Variants in CHM observed in about 807,000 individuals in gnomAD.
CHM encodes rab proteins geranylgeranyltransferase component A 1.
CHM carries 10 observed loss-of-function variants against 49.0 expected under a neutral mutation model. The observed-to-expected ratio is 0.20, with a 90% CI of 0.13 to 0.35. The LOEUF is 0.35. CHM is among the 10% of genes least tolerant of loss of function. The pLI, the probability that CHM is intolerant of heterozygous loss-of-function variation, is 1.00. For missense variants in CHM, 455 were observed against 478.4 expected, an observed-to-expected ratio of 0.95 and a Z score of 0.46; for synonymous variants, 184 against 167.5, an observed-to-expected ratio of 1.10 and a Z score of -0.76.
At chrX:85,949,684 C>T (rs1024726250) in intron 8 of CHM, among the ~76,000 whole-genome samples, 1 of 109,971 alleles carries the variant, frequency 9.1e-6, no homozygotes, top group African/African-American at 3.3e-5. Flanking sequence ...ATACACAGAT[C>T]CATCATATTC....
At chrX:86,008,256 G>A (rs1339744622) in intron 2 of CHM, among the ~76,000 whole-genome samples, 1 of 111,155 alleles carries the variant, frequency 9.0e-6, no homozygotes, top group Admixed American at 9.5e-5. Context: ...GGGGCCTGTC[G>A]GCAGGTGGGG....
intron 1 of CHM, among the ~76,000 whole-genome samples, chrX:86,027,771 A>AT (rs1253115908): frequency 8.3e-4 from 88 of 106,195 alleles, no homozygotes; most frequent in Admixed American, 2.8e-3. Flanking sequence ...TGTGGAAGAC[A>AT]TTTTTTTTTT....
chrX:85,900,784 G>T, intron 10 of CHM, 75 bp from the exon 11 acceptor site: 1 of 738,400 alleles, frequency 1.4e-6, no homozygotes, highest in Non-Finnish European at 2.1e-6. Flanking sequence ...ATAACCACCA[G>T]AAGGCACGTT....
chrX:85,911,145 A>ATATATATATGTGTG (rs1926923380), intron 9 of CHM, 116 bp downstream of exon 9: 1 of 16,263 alleles, frequency 6.1e-5, no homozygotes, highest in Non-Finnish European at 1.9e-4. Flanking sequence ...ATATATATAT[A>ATATATATATGTGTG]TATATATATA....
In CHM at chrX:85,863,791, T is replaced by C. The variant is rs891147209; in HGVS notation, c.*839A>G. 3.6e-5 allele frequency: 4 copies of C among 112,094 alleles called. No individual in the cohort carries two copies. The highest frequency in any genetic ancestry group is 1.3e-4 in the African/African-American group (4 of 30,827). The allele number at this position is 112,094 out of a possible 1,213,427, so 9.2% of individuals were successfully genotyped here. A position where few individuals can be genotyped will look rare whatever the true frequency, so the allele number is the denominator to read the frequency against. Reference sequence around the variant, plus strand: ...TCTCATATAGTAGGCATAGTAATACTATTTCCACTTTATATATGGAGAAAC... The same window carrying C: ...TCTCATATAGTAGGCATAGTAATACCATTTCCACTTTATATATGGAGAAAC... On this transcript the variant is annotated 3_prime_UTR_variant, in exon 15 of 15. Coordinates refer to ENST00000357749, the MANE Select transcript of CHM (RefSeq NM_000390.4).
intron 4 of CHM, among the ~76,000 whole-genome samples, chrX:85,968,174 T>C (rs1265632783): frequency 2.7e-5 from 3 of 112,280 alleles, no homozygotes; most frequent in Non-Finnish European, 3.8e-5. Flanking sequence ...TGGCTATTCA[T>C]AAGAATTACA....
chrX:86,004,435 G>A (rs1171413591), intron 2 of CHM, among the ~76,000 whole-genome samples: 1 of 111,763 alleles, frequency 8.9e-6, no homozygotes, highest in Non-Finnish European at 1.9e-5. Context: ...ATGTAAATGG[G>A]CTAAATGCCC....
rs9887243 is a variant in CHM, at chrX:85,997,677, C to T, written c.117-15868G>A. On this transcript the variant is annotated intron_variant, in intron 2 of 14. Transcript: ENST00000357749. ...TAAAAGTGAAGAAGCTGGCTGGGGG[C>T]GGTGGCGGTGGCTCACACCTGTAAT... 2.6e-3 allele frequency among the ~76,000 whole-genome samples: 287 copies of T among 111,305 alleles called. 1 individual carries two copies. Among genetic ancestry groups the T allele is most frequent in the African/African-American group, 7.9e-3 (242 of 30,626 alleles).
chrX:85,946,058 G>T (rs1929390904), intron 8 of CHM, among the ~76,000 whole-genome samples: 3 of 112,467 alleles, frequency 2.7e-5, no homozygotes, highest in African/African-American at 9.7e-5. Flanking sequence ...AAGCAGCAAA[G>T]CATTCCAGAT....
chrX:85,937,820 G>A (rs1410795134), intron 8 of CHM, among the ~76,000 whole-genome samples: 3 of 104,949 alleles, frequency 2.9e-5, no homozygotes, highest in Non-Finnish European at 5.8e-5. Context: ...CTGCAGCCTG[G>A]GAAACAGAGC....
chrX:86,029,284 A>G (rs1933954060), intron 1 of CHM, among the ~76,000 whole-genome samples: 2 of 112,293 alleles, frequency 1.8e-5, no homozygotes, highest in African/African-American at 6.5e-5. Flanking sequence ...ATTGAAATCA[A>G]AAGACCATCT....
At chrX:85,890,950 G>A (rs1925404104) in intron 12 of CHM, among the ~76,000 whole-genome samples, 1 of 111,587 alleles carries the variant, frequency 9.0e-6, no homozygotes, top group Non-Finnish European at 1.9e-5. Context: ...GGTCCAGGCT[G>A]AGGTGGTCTC....
Position 85,963,939 on chromosome X carries a change from T to C in CHM, c.428A>G (p.Asp143Gly), listed in dbSNP as rs1208126173. ...AADSAFLPTE[D>G]ESLSTMSCEM... ...ACAGCTCATAGTGCTTAATGACTCA[T>C]CCTCCGTAGGCAGGAAGGCAGAATC... Residue 143 changes from aspartate to glycine, a missense_variant, in exon 5 of 15, where the codon GAT becomes GGT. Coordinates refer to ENST00000357749, the MANE Select transcript of CHM (RefSeq NM_000390.4). The C allele has an allele frequency of 8.3e-7, 1 of 1,211,275 alleles. No homozygotes were observed. The highest frequency in any genetic ancestry group is 1.8e-5 in the South Asian group (1 of 56,914).
intron 2 of CHM, among the ~76,000 whole-genome samples, chrX:86,009,052 T>G (rs1196574123): frequency 8.9e-6 from 1 of 112,076 alleles, no homozygotes; most frequent in East Asian, 2.8e-4. Flanking sequence ...AAATGAACAG[T>G]AAGCTTTCTT....
intron 5 of CHM, among the ~76,000 whole-genome samples, chrX:85,960,927 T>C (rs1275239558): frequency 8.9e-6 from 1 of 111,847 alleles, no homozygotes; most frequent in Admixed American, 9.5e-5. Flanking sequence ...ACCTTCTCTA[T>C]TAGTCTGAGC....
At chrX:85,976,251 C>T (rs1302618240) in intron 4 of CHM, among the ~76,000 whole-genome samples, 1 of 111,623 alleles carries the variant, frequency 9.0e-6, no homozygotes, top group African/African-American at 3.3e-5. Context: ...TACCCATACA[C>T]TAAATGGCCC....
chrX:86,005,425 G>A (rs1173393769), intron 2 of CHM, among the ~76,000 whole-genome samples: 1 of 111,697 alleles, frequency 9.0e-6, no homozygotes, highest in East Asian at 2.8e-4. Context: ...GAGCAGAACT[G>A]AAAGAGACAG....
At chrX:85,919,799 T>C (rs1034855645) in intron 8 of CHM, among the ~76,000 whole-genome samples, 1 of 111,536 alleles carries the variant, frequency 9.0e-6, no homozygotes, top group Non-Finnish European at 1.9e-5. Flanking sequence ...TGCTTCTCAT[T>C]TGTTTTTCCC....
rs2148144253 is a variant in CHM at position 85,894,225 on chromosome X, C to T, written c.1473G>A (p.Glu491=). The T allele has an allele frequency of 8.3e-7, 1 of 1,210,319 alleles. No individual in the cohort carries two copies. Among genetic ancestry groups the T allele is most frequent in the Non-Finnish European group, 1.1e-6 (1 of 894,503 alleles). Reference sequence around the variant, plus strand: ...TGCATGTCATCGTTGAAGAACATAACTCAATGACCCGAACAGCAAAAGTTC... The same window carrying T: ...TGCATGTCATCGTTGAAGAACATAATTCAATGACCCGAACAGCAAAAGTTC... The part of the protein sequence containing the change: ...EPGTFAVRVI[E]LCSSTMTCMK... The change falls in exon 12 of 15, where the codon GAG becomes GAA. Residue 491 remains glutamate, a synonymous_variant. Transcript: ENST00000357749.
Sources: allele counts gnomAD v4.1 joint callset (sites outside exome capture counted in the v4.1 genomes callset), GRCh38; gene constraint gnomAD v4.1.1; transcripts MANE v1.5; gene names NCBI Gene and HGNC (gene_info 2026-07-23, HGNC 2026-07-21).